DPP10: variants seen among roughly 807,000 people sequenced by gnomAD.
DPP10 encodes the protein inactive dipeptidyl peptidase 10.
DPP10 carries 33 observed loss-of-function variants against 120.9 expected under a neutral mutation model. The observed-to-expected ratio is 0.27, with a 90% CI of 0.21 to 0.37. The LOEUF (loss-of-function observed/expected upper bound fraction) is 0.37, where lower values mean the gene tolerates loss of function less well. Among genes scored for constraint, DPP10 ranks in the 10% least tolerant of loss-of-function variants. The pLI, the probability that DPP10 is intolerant of heterozygous loss-of-function variation, is 1.00. For missense variants in DPP10, 816 were observed against 942.8 expected (o/e 0.87, Z 1.76); for synonymous variants, 337 against 326.1 (o/e 1.03, Z -0.36).
At chr2:114,815,367 GC>G (rs1685556278) in intron 1 of DPP10, among the ~76,000 whole-genome samples, 1 of 152,148 alleles carries the variant, frequency 6.6e-6, no homozygotes, top group South Asian at 2.1e-4. Context: ...GTAGGAAGTG[GC>G]CCCCGTTCTC....
chr2:114,975,145 A>T (rs554041416), intron 1 of DPP10, among the ~76,000 whole-genome samples: 1 of 151,820 alleles, frequency 6.6e-6, no homozygotes, highest in African/African-American at 2.4e-5. Flanking sequence ...TCCTGGGTTC[A>T]AGCGATTCTC....
chr2:115,565,134 C>T (rs892644875), intron 5 of DPP10, among the ~76,000 whole-genome samples: 1 of 152,036 alleles, frequency 6.6e-6, no homozygotes, highest in East Asian at 1.9e-4. Context: ...GAGCTTTGTG[C>T]GTAAGTATGT....
At chr2:115,269,696 A>G (rs1296093971) in intron 1 of DPP10, among the ~76,000 whole-genome samples, 2 of 152,156 alleles carry the variant, frequency 1.3e-5, no homozygotes, top group Non-Finnish European at 2.9e-5. Flanking sequence ...CAGTGTTTTT[A>G]TAATCTAAAT....
chr2:115,821,500 A>G (rs13409994), intron 21 of DPP10, among the ~76,000 whole-genome samples: 24,575 of 151,938 alleles, frequency 0.16, 2,847 homozygotes, highest in African/African-American at 0.32. Flanking sequence ...AAACAAAAAG[A>G]GAGAGAGAGA....
At chr2:114,795,800 A>C (rs1179003575) in intron 1 of DPP10, among the ~76,000 whole-genome samples, 1 of 152,206 alleles carries the variant, frequency 6.6e-6, no homozygotes, top group East Asian at 1.9e-4. Context: ...CTATTTTATC[A>C]TTTACTAATT....
intron 3 of DPP10, among the ~76,000 whole-genome samples, chr2:115,376,064 T>G (rs910327798): frequency 6.6e-6 from 1 of 152,136 alleles, no homozygotes; most frequent in Non-Finnish European, 1.5e-5. Context: ...CGGGAGCTGA[T>G]GCAGTAAATT....
At chr2:114,770,736 G>T (rs1681173589) in intron 1 of DPP10, among the ~76,000 whole-genome samples, 1 of 152,158 alleles carries the variant, frequency 6.6e-6, no homozygotes, top group African/African-American at 2.4e-5. Flanking sequence ...TAATGCCATT[G>T]TTTAGCTCTG....
intron 3 of DPP10, among the ~76,000 whole-genome samples, chr2:115,389,825 T>C (rs2067205623): frequency 0.015 from 1 of 68 alleles, no homozygotes; most frequent in African/African-American, 0.056. Context: ...ATTTGGTAAA[T>C]ATATCAATTT....
chr2:115,143,573 A>G (rs1234105876), intron 1 of DPP10, among the ~76,000 whole-genome samples: 1 of 152,242 alleles, frequency 6.6e-6, no homozygotes, highest in Non-Finnish European at 1.5e-5. Context: ...TAAAATATGC[A>G]GTTAATGCCA....
chr2:115,076,831 C>T (rs916950226), intron 1 of DPP10, among the ~76,000 whole-genome samples: 3 of 152,142 alleles, frequency 2.0e-5, no homozygotes, highest in African/African-American at 7.2e-5. Context: ...CTTGAACATG[C>T]CTTGTGTTCA....
intron 1 of DPP10, among the ~76,000 whole-genome samples, chr2:114,623,760 A>G (rs1218992833): frequency 3.3e-5 from 5 of 152,148 alleles, no homozygotes; most frequent in African/African-American, 1.2e-4. Flanking sequence ...CATTAATTCA[A>G]TTCAAACTTT....
chr2:114,568,049 TAAA>T (rs34026877), intron 1 of DPP10, among the ~76,000 whole-genome samples: 1,761 of 127,548 alleles, frequency 0.014, 36 homozygotes, highest in African/African-American at 0.047. Flanking sequence ...AGAGATACTG[TAAA>T]AAAAAAAAAA....
chr2:114,892,376 G>A lies in DPP10; in HGVS notation c.61-416863G>A, dbSNP rs1574429850. 3.3e-5 allele frequency among the ~76,000 whole-genome samples: 5 copies of A among 152,196 alleles called. No individual in the cohort carries two copies. In the South Asian group the frequency reaches 8.3e-4, roughly 25 times the overall value. On this transcript the variant is annotated intron_variant, in intron 1 of 25. Transcript: ENST00000410059. The stretch of plus-strand genomic sequence containing the variant: ...TTAGATTTCATATGCCAATTTCCTT[G>A]GAGAAGCACTCCATGGAGAACTGAG...
At chr2:114,510,800 C>G (rs777255331) in intron 1 of DPP10, among the ~76,000 whole-genome samples, 7 of 152,156 alleles carry the variant, frequency 4.6e-5, no homozygotes, top group Non-Finnish European at 8.8e-5. Context: ...TCTGGACAAT[C>G]GAAGAGGTTC....
intron 1 of DPP10, among the ~76,000 whole-genome samples, chr2:115,256,427 A>C (rs946989678): frequency 1.3e-5 from 2 of 152,184 alleles, no homozygotes; most frequent in Admixed American, 6.5e-5. Flanking sequence ...ACCGAGGCTT[A>C]TGGCATGCCT....
In DPP10 at chr2:114,825,718, T is replaced by C. The variant is rs186918533; in HGVS notation, c.60+382880T>C. On this transcript the variant is annotated intron_variant, in intron 1 of 25. Coordinates refer to ENST00000410059, the MANE Select transcript of DPP10 (RefSeq NM_020868.6). ...TAAAGAGACATATGCAATTTAATAT[T>C]ATTTAATGCGTGACGAGTCTGATGG... Among the ~76,000 whole-genome samples the C allele has an allele frequency of 2.4e-4, 37 of 152,288 alleles. 1 individual carries two copies. In the East Asian group the frequency reaches 6.8e-3, roughly 28 times the overall value.
intron 17 of DPP10, among the ~76,000 whole-genome samples, chr2:115,787,956 C>A (rs1376885911): frequency 6.6e-6 from 1 of 151,962 alleles, no homozygotes; most frequent in Non-Finnish European, 1.5e-5. Context: ...CCAAACTGAA[C>A]TAAACAAAAA....
At chr2:115,088,109 G>T (rs7568691) in intron 1 of DPP10, among the ~76,000 whole-genome samples, 120,719 of 152,040 alleles carry the variant, frequency 0.79, 48,674 homozygotes, top group Non-Finnish European at 0.88. Flanking sequence ...TGGAAGGAGA[G>T]ACCTAGCTTT....
At chr2:115,655,493 A>G (rs2088221650) in intron 5 of DPP10, among the ~76,000 whole-genome samples, 1 of 151,620 alleles carries the variant, frequency 6.6e-6, no homozygotes, top group Non-Finnish European at 1.5e-5. Context: ...AAAAGGTACA[A>G]ATTATGCTTT....
Sources: allele counts gnomAD v4.1 joint callset (sites outside exome capture counted in the v4.1 genomes callset), GRCh38; gene constraint gnomAD v4.1.1; transcripts MANE v1.5; gene names NCBI Gene and HGNC (gene_info 2026-07-23, HGNC 2026-07-21).